The following C11orf65 variants were observed in gnomAD, a reference collection of about 807,000 sequenced individuals.
C11orf65 encodes chromosome 11 open reading frame 65.
C11orf65 carries 38 observed loss-of-function variants against 35.3 expected under a neutral mutation model. The ratio of observed to expected loss-of-function variants is 1.08; its 90% confidence interval spans 0.83 to 1.41. The LOEUF (loss-of-function observed/expected upper bound fraction) is 1.41. Among genes scored for constraint, C11orf65 ranks in the 40% most tolerant of loss-of-function variants. The pLI is 0.00. For missense variants in C11orf65, 370 were observed against 367.1 expected, an observed-to-expected ratio of 1.01 and a Z score of -0.06; for synonymous variants, 105 against 114.4, an observed-to-expected ratio of 0.92 and a Z score of 0.53.
chr11:108,430,780 C>CGCTGCAGT (rs1257335217), intron 3 of C11orf65, among the ~76,000 whole-genome samples: 1 of 151,702 alleles, frequency 6.6e-6, no homozygotes, highest in East Asian at 2.0e-4. Context: ...AGGAGGTTAA[C>CGCTGCAGT]GCTGCAGTGA....
At chr11:108,437,110 A>AGG (rs1555172798) in intron 2 of C11orf65, among the ~76,000 whole-genome samples, 19,759 of 97,696 alleles carry the variant, frequency 0.2, 2,791 homozygotes, top group East Asian at 0.47. Flanking sequence ...AAAAAAAAAA[A>AGG]GGGGGGGGGT....
chr11:108,467,448 G>T (rs1004952790), intron 1 of C11orf65, 23 bp downstream of exon 1: 1 of 152,364 alleles, frequency 6.6e-6, no homozygotes, highest in Non-Finnish European at 1.5e-5. Context: ...GCTGAGAGAA[G>T]GGACACTATT....
intron 6 of C11orf65, chr11:108,317,648 TATATACACACACAC>T (rs1187350601): frequency 7.5e-6 from 1 of 132,978 alleles, no homozygotes; most frequent in African/African-American, 4.2e-5. Context: ...TATATATATA[TATATACACACACAC>T]ACACACACAC....
intron 2 of C11orf65, among the ~76,000 whole-genome samples, chr11:108,360,182 A>G (rs1412408536): frequency 1.3e-5 from 2 of 150,406 alleles, no homozygotes; most frequent in African/African-American, 4.9e-5. Context: ...ACGCAAATAA[A>G]CTAGAAAATC....
At chr11:108,402,974 T>C (rs572361940) in intron 6 of C11orf65, among the ~76,000 whole-genome samples, 2 of 151,834 alleles carry the variant, frequency 1.3e-5, no homozygotes, top group East Asian at 3.9e-4. Context: ...TGCTTATCCA[T>C]TCACCTGCTG....
At chr11:108,436,395 A>T (rs924581239) in intron 2 of C11orf65, among the ~76,000 whole-genome samples, 2 of 152,232 alleles carry the variant, frequency 1.3e-5, no homozygotes, top group African/African-American at 4.8e-5. Context: ...TATTTAAAGT[A>T]TAAGATATCA....
chr11:108,365,581 A>G lies in C11orf65; in HGVS notation c.226+27627T>C. ...TTTAGCCTTTATTTTTAACCTGCCAACATACTTTAAGTAGGGATTAATATT... is the reference window on the plus strand; with the variant it reads ...TTTAGCCTTTATTTTTAACCTGCCAGCATACTTTAAGTAGGGATTAATATT... On this transcript the variant is annotated intron_variant, in intron 2 of 3. Coordinates refer to the C11orf65 transcript ENST00000524755. 3.3e-6 allele frequency: 5 copies of G among 1,511,330 alleles called. No homozygotes were observed. The South Asian group carries it at 4.8e-5, about 14-fold the overall frequency. 93.6% of individuals were successfully genotyped at this position (1,511,330 alleles called of 1,614,324 possible).
intron 2 of C11orf65, among the ~76,000 whole-genome samples, chr11:108,441,070 G>T (rs1417967059): frequency 3.3e-5 from 5 of 152,176 alleles, no homozygotes; most frequent in African/African-American, 1.2e-4. Context: ...CCCTTTCCTA[G>T]CCAAGGGAAG....
intron 6 of C11orf65, among the ~76,000 whole-genome samples, chr11:108,320,885 A>T (rs1298414829): frequency 6.6e-6 from 1 of 152,234 alleles, no homozygotes; most frequent in Non-Finnish European, 1.5e-5. Flanking sequence ...ATTTTGTATA[A>T]GTATTATAAT....
chr11:108,310,229 A>G lies in C11orf65; in HGVS notation c.641-1158T>C, dbSNP rs2084030090. 2 of 1,613,538 alleles carry G rather than the reference A, an allele frequency of 1.2e-6. No homozygotes were observed. Among genetic ancestry groups the G allele is most frequent in the South Asian group, 2.2e-5 (2 of 91,076 alleles). On this transcript the variant is annotated intron_variant, in intron 6 of 6. Coordinates refer to the C11orf65 transcript ENST00000525729. ...TAAATTATCTAGAAGTTGCCAAGGT[A>G]GCTCAGTCTTGTGCTGCTCACTTTA...
downstream of C11orf65, among the ~76,000 whole-genome samples, chr11:108,380,560 A>G (rs984794770): frequency 1.3e-5 from 2 of 152,248 alleles, no homozygotes; most frequent in Non-Finnish European, 2.9e-5. Context: ...GCCAGCCAAC[A>G]TGCTCTTGGC....
intron 3 of C11orf65, among the ~76,000 whole-genome samples, chr11:108,407,756 C>T (rs2092569507): frequency 6.7e-6 from 1 of 150,366 alleles, no homozygotes; most frequent in African/African-American, 2.4e-5. Flanking sequence ...CACGGTGAAA[C>T]CCCGTCTCTA....
chr11:108,329,700 T>C (rs1793159231), downstream of C11orf65, among the ~76,000 whole-genome samples: 1 of 152,224 alleles, frequency 6.6e-6, no homozygotes, highest in Non-Finnish European at 1.5e-5. Context: ...TGTGAGGCAC[T>C]GTGCCCTGTC....
intron 6 of C11orf65, among the ~76,000 whole-genome samples, chr11:108,319,126 G>A (rs188192626): frequency 6.6e-5 from 10 of 151,948 alleles, no homozygotes; most frequent in Admixed American, 5.9e-4. Context: ...GCAGTGAGCC[G>A]AGATCATGCC....
At chr11:108,417,176 A>G (rs1441215574) in intron 3 of C11orf65, among the ~76,000 whole-genome samples, 1 of 152,212 alleles carries the variant, frequency 6.6e-6, no homozygotes, top group Non-Finnish European at 1.5e-5. Flanking sequence ...CAGTAATTAC[A>G]TTACATGTGA....
intron 2 of C11orf65, among the ~76,000 whole-genome samples, chr11:108,450,333 A>G (rs1391320637): frequency 6.6e-6 from 1 of 151,868 alleles, no homozygotes; most frequent in African/African-American, 2.4e-5. Context: ...ACGTATGTTT[A>G]TTGCGGCACT....
chr11:108,335,454 G>A (rs1241446818), intron 2 of C11orf65, among the ~76,000 whole-genome samples: 1 of 152,064 alleles, frequency 6.6e-6, no homozygotes, highest in Admixed American at 6.5e-5. Flanking sequence ...TCAGTATACC[G>A]GGTCTCGTAC....
intron 2 of C11orf65, among the ~76,000 whole-genome samples, chr11:108,361,562 A>G (rs1229211635): frequency 6.6e-6 from 1 of 152,114 alleles, no homozygotes; most frequent in African/African-American, 2.4e-5. Flanking sequence ...ACAAGGCTAC[A>G]GTAACCAAAA....
At chr11:108,341,163 T>TAA (rs1311028953) in intron 2 of C11orf65, among the ~76,000 whole-genome samples, 2 of 152,022 alleles carry the variant, frequency 1.3e-5, no homozygotes, top group Admixed American at 6.6e-5. Context: ...CATCTCCACC[T>TAA]GACTTACCTG....
Sources: gnomAD v4.1 joint callset for allele counts (sites outside exome capture counted in the v4.1 genomes callset) on GRCh38, gnomAD v4.1.1 for gene constraint, MANE v1.5 for transcripts, NCBI Gene and HGNC (gene_info 2026-07-23, HGNC 2026-07-21) for gene names.